Variants in RADX observed in about 807,000 individuals in gnomAD.
The protein encoded by RADX is RPA1 related single stranded DNA binding protein, X-linked.
RADX carries 36 observed loss-of-function variants against 61.6 expected under a neutral mutation model. That is an observed-to-expected ratio of 0.58 (90% CI 0.45 to 0.77). The LOEUF (loss-of-function observed/expected upper bound fraction) is 0.77. Among genes scored for constraint, RADX ranks in the 30% least tolerant of loss-of-function variants. The pLI is 0.00. For synonymous variants in RADX, 272 were observed against 237.9 expected (o/e 1.14, Z -1.32); for missense variants, 497 against 651.1 (o/e 0.76, Z 2.58).
At chrX:106,651,719 C>A (rs922665494) in intron 11 of RADX, among the ~76,000 whole-genome samples, 1 of 110,545 alleles carries the variant, frequency 9.0e-6, no homozygotes. Flanking sequence ...ATACTGCAGG[C>A]TTTGTAAATT....
At chrX:106,612,829 C>A in intron 1 of RADX, 106 bp downstream of exon 1, 2 of 810,277 alleles carry the variant, frequency 2.5e-6, no homozygotes, top group Non-Finnish European at 3.5e-6. Context: ...TAATTACAAG[C>A]CAGGAGTGGT....
intron 1 of RADX, among the ~76,000 whole-genome samples, chrX:106,621,639 A>C (rs190462947): frequency 8.9e-6 from 1 of 112,123 alleles, no homozygotes; most frequent in African/African-American, 3.2e-5. Context: ...ATTATATGGC[A>C]TATGAGAAGA....
rs754666181 is a variant in RADX, at chrX:106,649,711, C to T, written c.1978+1325C>T. The stretch of plus-strand genomic sequence containing the variant: ...AGCTCTTGTTCAGATGTAAGTTAAT[C>T]ATTCACTTGCTAACTAAAATTGAAA... On this transcript the variant is annotated intron_variant, in intron 11 of 13. Transcript: ENST00000372548. Among the ~76,000 whole-genome samples the T allele has an allele frequency of 1.5e-3, 167 of 111,453 alleles. 1 individual carries two copies. Among genetic ancestry groups the T allele is most frequent in the African/African-American group, 4.6e-3 (143 of 30,761 alleles).
rs762228086 is a variant in RADX at position 106,668,109 on chromosome X, A to T, written c.2270-1054A>T. Among the ~76,000 whole-genome samples the T allele has an allele frequency of 2.7e-3, 304 of 111,872 alleles. 4 individuals carry two copies. The highest frequency in any genetic ancestry group is 9.4e-3 in the African/African-American group (290 of 30,839). On this transcript the variant is annotated intron_variant, in intron 12 of 13. Coordinates refer to ENST00000372548, the MANE Select transcript of RADX (RefSeq NM_018015.6). ...AAAGCGCTAAGTGGCCTTTAGCTGTATGTTAAGTTAAATATATGAGATTTA... is the reference window on the plus strand; with the variant it reads ...AAAGCGCTAAGTGGCCTTTAGCTGTTTGTTAAGTTAAATATATGAGATTTA...
Position 106,625,092 on chromosome X carries a change from C to T in RADX, c.789C>T (p.Thr263=). The part of the protein sequence containing the change: ...PDKKMIEPYQ[T]FLEVADSSGT... ...GCTTTTACTCATTTTCTTTCTAGAC[C>T]TTTTTGGAAGTTGCTGACAGTTCAG... Residue 263 remains threonine, a splice_region_variant and synonymous_variant, in exon 3 of 14, where the codon ACC becomes ACT. Transcript: ENST00000372548. 1.7e-6 allele frequency: 2 copies of T among 1,172,918 alleles called. No homozygotes were observed. The highest frequency in any genetic ancestry group is 2.3e-6 in the Non-Finnish European group (2 of 876,728).
chrX:106,631,155 G>A (rs1927207119), intron 3 of RADX, among the ~76,000 whole-genome samples: 1 of 111,371 alleles, frequency 9.0e-6, no homozygotes, highest in South Asian at 3.7e-4. Flanking sequence ...AATAAGTAGA[G>A]ATAAATAAAC....
At chrX:106,631,284 A>G (rs1186928416) in intron 3 of RADX, among the ~76,000 whole-genome samples, 3 of 112,309 alleles carry the variant, frequency 2.7e-5, no homozygotes, top group Non-Finnish European at 5.6e-5. Context: ...TGGGCAAAAG[A>G]CCAAGGCATT....
intron 11 of RADX, among the ~76,000 whole-genome samples, chrX:106,651,287 A>G (rs1331067518): frequency 6.3e-5 from 7 of 111,352 alleles, no homozygotes; most frequent in Non-Finnish European, 1.1e-4. Flanking sequence ...AAAAACAATA[A>G]TGCTTTAGAC....
intron 11 of RADX, among the ~76,000 whole-genome samples, chrX:106,655,786 C>G (rs1460074117): frequency 8.9e-6 from 1 of 111,861 alleles, no homozygotes; most frequent in Non-Finnish European, 1.9e-5. Flanking sequence ...ATTGTGAATA[C>G]TGCCACAGTA....
chrX:106,640,860 A>G lies in RADX; in HGVS notation c.1904+139A>G, dbSNP rs1452845719. The G allele has an allele frequency of 9.8e-6, 4 of 406,106 alleles. No homozygotes were observed. The African/African-American group carries it at 1.0e-4, about 11-fold the overall frequency. 33.5% of individuals were successfully genotyped at this position (406,106 alleles called of 1,213,427 possible). A position where few individuals can be genotyped will look rare whatever the true frequency, so the allele number is the denominator to read the frequency against. ...ACAAAATACCACAACTGAGTGACTT[A>G]AACACTGAAATTTGTTGTCTCAGAG... On this transcript the variant is annotated intron_variant, in intron 10 of 13. Coordinates refer to ENST00000372548, the MANE Select transcript of RADX (RefSeq NM_018015.6).
At chrX:106,664,058 A>G (rs1928167971) in intron 12 of RADX, among the ~76,000 whole-genome samples, 1 of 111,712 alleles carries the variant, frequency 9.0e-6, no homozygotes, top group Admixed American at 9.6e-5. Flanking sequence ...AGTATGGTTT[A>G]CATAGTTAAA....
intron 11 of RADX, among the ~76,000 whole-genome samples, chrX:106,653,509 A>T (rs1388417148): frequency 8.7e-5 from 4 of 46,160 alleles, no homozygotes; most frequent in Non-Finnish European, 1.6e-4. Context: ...ATTATGTTTT[A>T]TTTTATTTTA....
chrX:106,630,671 C>A (rs750493956), intron 3 of RADX, among the ~76,000 whole-genome samples: 1 of 110,460 alleles, frequency 9.1e-6, no homozygotes, highest in Non-Finnish European at 1.9e-5. Flanking sequence ...GAACAAAAAA[C>A]CAAATACCAC....
intron 12 of RADX, among the ~76,000 whole-genome samples, chrX:106,666,078 C>T (rs1009556624): frequency 3.6e-5 from 4 of 111,917 alleles, no homozygotes; most frequent in Admixed American, 9.5e-5. Flanking sequence ...GATGAAGTAA[C>T]GAACTAGATT....
intron 13 of RADX, among the ~76,000 whole-genome samples, chrX:106,675,931 C>G (rs1465550443): frequency 2.7e-5 from 3 of 111,425 alleles, no homozygotes; most frequent in African/African-American, 9.8e-5. Flanking sequence ...ATTCAATCCT[C>G]AAAATACCCT....
At chrX:106,621,652 G>A (rs1199227668) in intron 1 of RADX, among the ~76,000 whole-genome samples, 1 of 111,828 alleles carries the variant, frequency 8.9e-6, no homozygotes, top group African/African-American at 3.3e-5. Context: ...TGAGAAGATA[G>A]TAAGTGCAAT....
intron 1 of RADX, among the ~76,000 whole-genome samples, chrX:106,621,212 T>C (rs1569422727): frequency 8.9e-6 from 1 of 112,277 alleles, no homozygotes; most frequent in Non-Finnish European, 1.9e-5. Context: ...GATCCTGGGA[T>C]AGTAATCTAT....
At chrX:106,652,044 A>C (rs1259323773) in intron 11 of RADX, among the ~76,000 whole-genome samples, 3 of 110,607 alleles carry the variant, frequency 2.7e-5, no homozygotes, top group Non-Finnish European at 5.7e-5. Context: ...TAAAACACAA[A>C]ATGATATAGC....
chrX:106,636,004 AT>A (rs1367507937), intron 6 of RADX, among the ~76,000 whole-genome samples: 1 of 112,419 alleles, frequency 8.9e-6, no homozygotes, highest in Admixed American at 9.4e-5. Flanking sequence ...AGATAAATAC[AT>A]AAAAGATAAA....
Sources: gnomAD v4.1 joint callset for allele counts (sites outside exome capture counted in the v4.1 genomes callset) on GRCh38, gnomAD v4.1.1 for gene constraint, MANE v1.5 for transcripts, NCBI Gene and HGNC (gene_info 2026-07-23, HGNC 2026-07-21) for gene names.